The following MECOM variants were observed in gnomAD, a reference collection of about 807,000 sequenced individuals.
MECOM encodes the protein MDS1 and EVI1 complex locus.
A neutral mutation model predicts 116.3 loss-of-function variants in MECOM; 13 were observed. The ratio of observed to expected loss-of-function variants is 0.11; its 90% CI spans 0.07 to 0.18. The LOEUF (loss-of-function observed/expected upper bound fraction) is 0.18, where lower values mean the gene tolerates loss of function less well. Among genes scored for constraint, MECOM ranks in the 10% least tolerant of loss-of-function variants. The pLI, the probability that MECOM is intolerant of heterozygous loss-of-function variation, is 1.00. For synonymous variants in MECOM, 528 were observed against 535.2 expected (o/e 0.99, Z 0.19); for missense variants, 1,299 against 1,509.0 (o/e 0.86, Z 2.31).
intron 1 of MECOM, among the ~76,000 whole-genome samples, chr3:169,440,660 C>T (rs1300387989): frequency 6.6e-6 from 1 of 152,144 alleles, no homozygotes; most frequent in Admixed American, 6.5e-5. Context: ...AATTGTCATA[C>T]TTGTAATGAG....
intron 1 of MECOM, among the ~76,000 whole-genome samples, chr3:169,539,895 T>G (rs1331923527): frequency 1.3e-5 from 2 of 152,144 alleles, no homozygotes; most frequent in Non-Finnish European, 1.5e-5. Context: ...CTACATTAAG[T>G]GCTATGAAGA....
intron 2 of MECOM, among the ~76,000 whole-genome samples, chr3:169,299,702 C>A (rs1716339846): frequency 6.6e-6 from 1 of 152,150 alleles, no homozygotes; most frequent in African/African-American, 2.4e-5. Flanking sequence ...TGCTCAGCCA[C>A]TATGGAATTT....
At chr3:169,268,922 C>T (rs957385050) in intron 2 of MECOM, among the ~76,000 whole-genome samples, 1 of 152,102 alleles carries the variant, frequency 6.6e-6, no homozygotes, top group African/African-American at 2.4e-5. Flanking sequence ...GCGGAAGACA[C>T]ACAGTTTCTA....
At chr3:169,251,985 A>T (rs1178775979) in intron 2 of MECOM, among the ~76,000 whole-genome samples, 1 of 152,194 alleles carries the variant, frequency 6.6e-6, no homozygotes, top group Admixed American at 6.5e-5. Flanking sequence ...TTAGATGTAC[A>T]TTTATTTTAT....
intron 1 of MECOM, among the ~76,000 whole-genome samples, chr3:169,518,790 G>C (rs1023265846): frequency 6.6e-6 from 1 of 152,202 alleles, no homozygotes; most frequent in African/African-American, 2.4e-5. Flanking sequence ...TCTTTTCTGC[G>C]CTGTTCTCAT....
chr3:169,440,072 G>T (rs1396837403), intron 1 of MECOM, among the ~76,000 whole-genome samples: 1 of 152,132 alleles, frequency 6.6e-6, no homozygotes, highest in Non-Finnish European at 1.5e-5. Flanking sequence ...GCAGAAGAAT[G>T]AAATAGGGAA....
intron 1 of MECOM, among the ~76,000 whole-genome samples, chr3:169,488,205 A>C (rs761040683): frequency 2.0e-4 from 30 of 152,000 alleles, no homozygotes; most frequent in Non-Finnish European, 3.7e-4. Context: ...AAGTTTGATC[A>C]AACATATATA....
chr3:169,378,437 G>GA lies in MECOM; in HGVS notation c.375+2749dup, dbSNP rs1313295607. 6.2e-5 allele frequency among the ~76,000 whole-genome samples: 5 copies of GA among 80,802 alleles called. No individual in the cohort carries two copies. The Admixed American group carries it at 7.1e-4, about 11-fold the overall frequency. 53.0% of individuals were successfully genotyped at this position (80,802 alleles called of 152,430 possible). On this transcript the variant is annotated intron_variant, in intron 2 of 16. Coordinates refer to ENST00000651503, the MANE Select transcript of MECOM (RefSeq NM_004991.4). Reference sequence around the variant, plus strand: ...AGAAAGAAAGAAAGAAAGAAAGAAAGAAAGAAAGAAAGAAGGAAAGCAAGC... The same window carrying GA: ...AGAAAGAAAGAAAGAAAGAAAGAAAGAAAAGAAAGAAAGAAGGAAAGCAAGC...
chr3:169,329,822 A>C (rs1430834748), intron 2 of MECOM, among the ~76,000 whole-genome samples: 3 of 152,232 alleles, frequency 2.0e-5, no homozygotes, highest in African/African-American at 7.2e-5. Context: ...TATGTACAAT[A>C]TGCCAATGAG....
intron 5 of MECOM, among the ~76,000 whole-genome samples, chr3:169,127,524 T>C (rs6808202): frequency 0.063 from 9,605 of 152,270 alleles, 443 homozygotes; most frequent in South Asian, 0.2. Flanking sequence ...TCTTGACATA[T>C]GATTACTTTA....
At chr3:169,480,193 G>A (rs1257623313) in intron 1 of MECOM, among the ~76,000 whole-genome samples, 1 of 152,178 alleles carries the variant, frequency 6.6e-6, no homozygotes, top group Non-Finnish European at 1.5e-5. Context: ...GCAAGCTAGT[G>A]CTGTCTTCTT....
At chr3:169,357,149 T>A (rs936515680) in intron 2 of MECOM, among the ~76,000 whole-genome samples, 1 of 151,872 alleles carries the variant, frequency 6.6e-6, no homozygotes, top group Non-Finnish European at 1.5e-5. Context: ...TAGTAATCAT[T>A]AAATAGTTTA....
chr3:169,136,385 CTTA>C (rs1476169861), intron 3 of MECOM, among the ~76,000 whole-genome samples: 4 of 150,646 alleles, frequency 2.7e-5, no homozygotes, highest in Admixed American at 6.6e-5. Flanking sequence ...ATGATTAATT[CTTA>C]TTATATATCA....
intron 1 of MECOM, among the ~76,000 whole-genome samples, chr3:169,579,464 A>T (rs1267441655): frequency 6.6e-6 from 1 of 152,182 alleles, no homozygotes; most frequent in African/African-American, 2.4e-5. Flanking sequence ...GGACTGTGAA[A>T]GAAAACTTGA....
At chr3:169,482,620 C>T (rs1225379298) in intron 1 of MECOM, among the ~76,000 whole-genome samples, 7 of 152,132 alleles carry the variant, frequency 4.6e-5, no homozygotes, top group Non-Finnish European at 7.3e-5. Context: ...GGGCGTGAGC[C>T]ACCGCGCCCG....
intron 1 of MECOM, among the ~76,000 whole-genome samples, chr3:169,430,528 C>T (rs775674279): frequency 2.0e-5 from 3 of 152,076 alleles, no homozygotes; most frequent in African/African-American, 4.8e-5. Context: ...AAAACAATTC[C>T]TGTATTTCAT....
intron 1 of MECOM, among the ~76,000 whole-genome samples, chr3:169,516,486 G>A (rs1418412603): frequency 6.6e-6 from 1 of 151,822 alleles, no homozygotes; most frequent in Non-Finnish European, 1.5e-5. Context: ...TAAATTTTTA[G>A]CAATAAAAGA....
chr3:169,636,900 C>T (rs1381870222), intron 1 of MECOM, among the ~76,000 whole-genome samples: 2 of 152,190 alleles, frequency 1.3e-5, no homozygotes, highest in Non-Finnish European at 2.9e-5. Flanking sequence ...GTGATCTGTT[C>T]ATTTCTAAAT....
intron 2 of MECOM, among the ~76,000 whole-genome samples, chr3:169,158,476 C>A (rs1331143483): frequency 6.6e-6 from 1 of 152,106 alleles, no homozygotes; most frequent in Non-Finnish European, 1.5e-5. Context: ...GAGACGGAAA[C>A]ACGAATCATC....
Sources: allele counts gnomAD v4.1 joint callset (sites outside exome capture counted in the v4.1 genomes callset), GRCh38; gene constraint gnomAD v4.1.1; transcripts MANE v1.5; gene names NCBI Gene and HGNC (gene_info 2026-07-23, HGNC 2026-07-21).